Variants in SUSD4 observed in about 807,000 individuals in gnomAD.
SUSD4 encodes the protein sushi domain containing 4.
A neutral mutation model predicts 50.5 loss-of-function variants in SUSD4; 41 were observed. The observed-to-expected ratio is 0.81, with a 90% CI of 0.63 to 1.05. The LOEUF is 1.05. Among genes scored for constraint, SUSD4 ranks in the 50% least tolerant of loss-of-function variants. The pLI, the probability that SUSD4 is intolerant of heterozygous loss-of-function variation, is 0.00. For missense variants in SUSD4, 580 were observed against 634.7 expected, an observed-to-expected ratio of 0.91 and a Z score of 0.93; for synonymous variants, 257 against 257.3, an observed-to-expected ratio of 1.00 and a Z score of 0.01.
intron 6 of SUSD4, among the ~76,000 whole-genome samples, chr1:223,228,491 C>A (rs959327009): frequency 2.0e-5 from 3 of 152,168 alleles, no homozygotes; most frequent in Non-Finnish European, 4.4e-5. Context: ...CTGGAAAGGG[C>A]TGGAGAGAGT....
chr1:223,263,407 C>T (rs1247678095), intron 5 of SUSD4, among the ~76,000 whole-genome samples: 3 of 152,180 alleles, frequency 2.0e-5, no homozygotes, highest in African/African-American at 7.2e-5. Context: ...TCCCATATAT[C>T]GACATGCTCA....
chr1:223,323,147 G>A (rs556653720), intron 2 of SUSD4, among the ~76,000 whole-genome samples: 30 of 151,974 alleles, frequency 2.0e-4, no homozygotes, highest in African/African-American at 6.8e-4. Context: ...ATCTCACAAT[G>A]ACGGAGGGTG....
chr1:223,323,113 C>T (rs1346896060), intron 2 of SUSD4, among the ~76,000 whole-genome samples: 2 of 151,942 alleles, frequency 1.3e-5, no homozygotes, highest in African/African-American at 4.8e-5. Flanking sequence ...GAGCATGTTC[C>T]TGCTCCTCCT....
At chr1:223,360,826 C>T (rs77047483) in intron 2 of SUSD4, among the ~76,000 whole-genome samples, 8,443 of 152,202 alleles carry the variant, frequency 0.055, 306 homozygotes, top group East Asian at 0.12. Flanking sequence ...AAGCACTCTC[C>T]GAGGGCTGAT....
chr1:223,257,556 G>A (rs544083771), intron 5 of SUSD4, among the ~76,000 whole-genome samples: 71 of 152,162 alleles, frequency 4.7e-4, no homozygotes, highest in Non-Finnish European at 8.1e-4. Context: ...ACTGGGGTAC[G>A]GTGGGTTGGC....
chr1:223,293,034 G>A (rs1427321816), intron 2 of SUSD4, among the ~76,000 whole-genome samples: 1 of 152,160 alleles, frequency 6.6e-6, no homozygotes, highest in East Asian at 1.9e-4. Flanking sequence ...TTGAGGAAGG[G>A]GTGAAATTTC....
chr1:223,322,537 G>T (rs540920797), intron 2 of SUSD4, among the ~76,000 whole-genome samples: 1 of 152,290 alleles, frequency 6.6e-6, no homozygotes, highest in South Asian at 2.1e-4. Context: ...GCTAAAATCT[G>T]TACACAAATA....
At chr1:223,286,045 T>C (rs1664114249) in intron 3 of SUSD4, among the ~76,000 whole-genome samples, 1 of 152,192 alleles carries the variant, frequency 6.6e-6, no homozygotes, top group African/African-American at 2.4e-5. Context: ...TCAGTGTGAA[T>C]ATCCATGGGC....
chr1:223,269,375 C>T lies in SUSD4; in HGVS notation c.362-700G>A, dbSNP rs78045264. Among the ~76,000 whole-genome samples the T allele has an allele frequency of 5.4e-3, 819 of 152,186 alleles. 44 individuals are homozygous for T. In the East Asian group the frequency reaches 0.11, roughly 21 times the overall value. ...GCTGGGGGCTGGGGGAGGAGAATGCCAGTGAAGGAACGACGAGCCCATGCC... is the reference window on the plus strand; with the variant it reads ...GCTGGGGGCTGGGGGAGGAGAATGCTAGTGAAGGAACGACGAGCCCATGCC... On this transcript the variant is annotated intron_variant, in intron 3 of 8. Transcript: ENST00000366878.
At chr1:223,223,671 C>T (rs1264378782) in intron 7 of SUSD4, 40 bp from the exon 8 acceptor site, 3 of 1,550,536 alleles carry the variant, frequency 1.9e-6, no homozygotes, top group South Asian at 2.5e-5. Context: ...GAGAGCCATG[C>T]CACTCTGGGG....
At chr1:223,355,472 G>C (rs1265662198) in intron 2 of SUSD4, among the ~76,000 whole-genome samples, 1 of 151,970 alleles carries the variant, frequency 6.6e-6, no homozygotes, top group Non-Finnish European at 1.5e-5. Context: ...AACCACCTTC[G>C]CCTCCCAAAG....
chr1:223,268,015 A>T lies in SUSD4; in HGVS notation c.535+487T>A, dbSNP rs1169653277. On this transcript the variant is annotated intron_variant, in intron 4 of 8. Transcript: ENST00000366878. Reference sequence around the variant, plus strand: ...TTTTTCTGCTCTTCATGCATTTTTTATATATATATATATATATATATATAT... The same window carrying T: ...TTTTTCTGCTCTTCATGCATTTTTTTTATATATATATATATATATATATAT... Among the ~76,000 whole-genome samples the T allele has an allele frequency of 1.4e-4, 10 of 71,606 alleles. 1 individual carries two copies. The South Asian group carries it at 2.2e-3, about 16-fold the overall frequency. 47.0% of individuals were successfully genotyped at this position (71,606 alleles called of 152,430 possible). A position where few individuals can be genotyped will look rare whatever the true frequency, so the allele number is the denominator to read the frequency against.
chr1:223,240,630 G>A (rs1335523190), intron 5 of SUSD4, among the ~76,000 whole-genome samples: 3 of 152,002 alleles, frequency 2.0e-5, no homozygotes, highest in Admixed American at 1.3e-4. Context: ...TTGATATCTA[G>A]CATTTCTTTT....
In SUSD4 at chr1:223,363,369, C is replaced by T. The variant is rs964220213; in HGVS notation, c.57G>A (p.Gln19=). ...TCTGGGGGGACTGAGGTTGCTGCTG[C>T]TGCTGCTGCTGCTCTAGAAATCCAT... ...NGDGFLEQQQ[Q]QQQPQSPQRL... Residue 19 remains glutamine, a synonymous_variant, in exon 2 of 9, where the codon CAG becomes CAA. Coordinates refer to ENST00000366878, the MANE Select transcript of SUSD4 (RefSeq NM_017982.4). 5 of 1,596,296 alleles carry T rather than the reference C, an allele frequency of 3.1e-6. No homozygotes were observed. Among genetic ancestry groups the T allele is most frequent in the Admixed American group, 1.8e-5 (1 of 56,846 alleles).
intron 2 of SUSD4, among the ~76,000 whole-genome samples, chr1:223,339,522 T>C (rs1025943595): frequency 6.6e-6 from 1 of 152,116 alleles, no homozygotes; most frequent in African/African-American, 2.4e-5. Flanking sequence ...CCTGCCATGC[T>C]CCCAAAGTCT....
chr1:223,268,407 A>G (rs542371294), intron 4 of SUSD4, 95 bp downstream of exon 4: 266 of 1,465,350 alleles, frequency 1.8e-4, no homozygotes, highest in Non-Finnish European at 2.3e-4. Context: ...TTCGCCCATC[A>G]TCTCTATCAC....
intron 2 of SUSD4, among the ~76,000 whole-genome samples, chr1:223,344,459 T>C (rs569324131): frequency 4.0e-4 from 61 of 152,196 alleles, no homozygotes; most frequent in African/African-American, 1.4e-3. Flanking sequence ...GGGGTCTCCT[T>C]TCTTGAGAAT....
At chr1:223,324,404 T>G (rs185440657) in intron 2 of SUSD4, among the ~76,000 whole-genome samples, 4 of 151,850 alleles carry the variant, frequency 2.6e-5, no homozygotes, top group Non-Finnish European at 4.4e-5. Flanking sequence ...CTGTTCACAA[T>G]GAAGACCCAA....
chr1:223,321,275 G>A (rs1558248292), intron 2 of SUSD4, among the ~76,000 whole-genome samples: 1 of 152,228 alleles, frequency 6.6e-6, no homozygotes, highest in East Asian at 1.9e-4. Flanking sequence ...GGCAAAGACA[G>A]ATGCAGAGAC....
Sources: allele counts gnomAD v4.1 joint callset (sites outside exome capture counted in the v4.1 genomes callset), GRCh38; gene constraint gnomAD v4.1.1; transcripts MANE v1.5; gene names NCBI Gene and HGNC (gene_info 2026-07-23, HGNC 2026-07-21).